Variants in IQGAP2 observed in about 807,000 individuals in gnomAD.
IQGAP2 encodes the protein IQ motif containing GTPase activating protein 2, also known as ras GTPase-activating-like protein IQGAP2.
In IQGAP2, 173 loss-of-function variants were observed where a neutral mutation model predicts 201.3. That is an observed-to-expected ratio of 0.86 (90% CI 0.76 to 0.98). The LOEUF (loss-of-function observed/expected upper bound fraction) is 0.98, where lower values mean the gene tolerates loss of function less well. Ranked by LOEUF, IQGAP2 falls within the 50% of genes least tolerant of loss-of-function variation. The pLI, the probability that IQGAP2 is intolerant of heterozygous loss-of-function variation, is 0.00. For synonymous variants in IQGAP2, 675 were observed against 673.9 expected (o/e 1.00, Z -0.03); for missense variants, 1,687 against 1,864.8 (o/e 0.90, Z 1.76).
intron 21 of IQGAP2, among the ~76,000 whole-genome samples, chr5:76,664,379 T>A (rs1016990325): frequency 2.6e-5 from 4 of 152,150 alleles, no homozygotes; most frequent in Non-Finnish European, 4.4e-5. Context: ...ACAATTACAA[T>A]AGTAACATCG....
At chr5:76,412,019 A>AT (rs956365791) in intron 1 of IQGAP2, among the ~76,000 whole-genome samples, 5 of 151,700 alleles carry the variant, frequency 3.3e-5, no homozygotes, top group Non-Finnish European at 5.9e-5. Context: ...CTCCTTCTCC[A>AT]TTTTTTTTCT....
intron 2 of IQGAP2, among the ~76,000 whole-genome samples, chr5:76,463,346 T>G (rs913269165): frequency 6.6e-6 from 1 of 152,226 alleles, no homozygotes; most frequent in South Asian, 2.1e-4. Context: ...TGGTCCCAGC[T>G]CCACCACTTA....
At chr5:76,440,815 T>C (rs143293414) in intron 1 of IQGAP2, among the ~76,000 whole-genome samples, 2,306 of 152,206 alleles carry the variant, frequency 0.015, 73 homozygotes, top group African/African-American at 0.053. Flanking sequence ...GGACGGATCA[T>C]GAAGTCAGGA....
intron 2 of IQGAP2, among the ~76,000 whole-genome samples, chr5:76,532,750 G>A (rs1487341971): frequency 6.6e-6 from 1 of 152,122 alleles, no homozygotes; most frequent in Non-Finnish European, 1.5e-5. Flanking sequence ...CTTGTCGGAG[G>A]ACCACTCCGT....
chr5:76,658,751 C>A, intron 21 of IQGAP2, 84 bp downstream of exon 21: 2 of 1,175,750 alleles, frequency 1.7e-6, no homozygotes, highest in African/African-American at 1.5e-5. Context: ...GACAGGGATA[C>A]ATTCTCAGAA....
intron 28 of IQGAP2, among the ~76,000 whole-genome samples, chr5:76,679,721 T>C (rs534569216): frequency 4.9e-4 from 74 of 152,358 alleles, no homozygotes; most frequent in African/African-American, 1.7e-3. Context: ...TCTTGTCTCT[T>C]AATTTTCCCT....
At chr5:76,428,437 CTTTTTTTTT>C (rs1003388325) in intron 1 of IQGAP2, among the ~76,000 whole-genome samples, 6 of 135,700 alleles carry the variant, frequency 4.4e-5, no homozygotes, top group African/African-American at 1.6e-4. Flanking sequence ...ATCCTTTTTT[CTTTTTTTTT>C]TTTTTTTTGA....
Position 76,600,950 on chromosome 5 carries a change from C to A in IQGAP2, c.1210C>A (p.Leu404Met). 6.2e-7 allele frequency: 1 copy of A among 1,614,008 alleles called. No homozygotes were observed. The highest frequency in any genetic ancestry group is 8.5e-7 in the Non-Finnish European group (1 of 1,179,894). ...AAGCCCCGCAATAGGCTTAAACAAT[C>A]TGGACAAGGCATATGTGGAACGGTA... is the stretch of plus-strand genomic sequence containing the variant. ...LRSPAIGLNN[L>M]DKAYVERYAN... is the part of the protein sequence containing the mutation. Residue 404 changes from leucine (L) to methionine (M), a missense_variant, in exon 11 of 36, where the codon CTG becomes ATG. Physicochemically the swap from Leu to Met is conservative, Grantham distance 15. Coordinates refer to ENST00000274364, the MANE Select transcript of IQGAP2 (RefSeq NM_006633.5).
intron 24 of IQGAP2, 26 bp downstream of exon 24, chr5:76,672,009 C>T: frequency 1.3e-6 from 2 of 1,514,814 alleles, no homozygotes; most frequent in Non-Finnish European, 1.8e-6. Context: ...AGGTGTTGGT[C>T]TTCTGTTATG....
At chr5:76,623,811 G>C (rs1749952710) in intron 13 of IQGAP2, among the ~76,000 whole-genome samples, 1 of 152,082 alleles carries the variant, frequency 6.6e-6, no homozygotes, top group African/African-American at 2.4e-5. Flanking sequence ...ATTGAGCGGT[G>C]AATCACTTTG....
At chr5:76,539,945 C>T (rs1412665807) in intron 2 of IQGAP2, among the ~76,000 whole-genome samples, 15 of 152,158 alleles carry the variant, frequency 9.9e-5, no homozygotes, top group Non-Finnish European at 1.5e-5. Context: ...GAGGGCAGGA[C>T]CACACTAATA....
intron 30 of IQGAP2, among the ~76,000 whole-genome samples, chr5:76,687,282 A>G (rs529038295): frequency 2.0e-5 from 3 of 152,332 alleles, no homozygotes; most frequent in African/African-American, 7.2e-5. Context: ...TGTAGGTAAC[A>G]ATTTGAAATC....
chr5:76,462,911 A>G (rs1207168810), intron 2 of IQGAP2, among the ~76,000 whole-genome samples: 1 of 152,156 alleles, frequency 6.6e-6, no homozygotes. Context: ...GCGATTCACT[A>G]TCAGTCTAAG....
intron 2 of IQGAP2, among the ~76,000 whole-genome samples, chr5:76,483,321 G>A (rs1755902890): frequency 6.6e-6 from 1 of 152,192 alleles, no homozygotes; most frequent in Admixed American, 6.5e-5. Flanking sequence ...AGCACCGGGA[G>A]AGTAGGAGAC....
chr5:76,540,188 A>G (rs985752523), intron 2 of IQGAP2, among the ~76,000 whole-genome samples: 3 of 152,074 alleles, frequency 2.0e-5, no homozygotes, highest in Non-Finnish European at 4.4e-5. Context: ...CTTCATATTC[A>G]CCTAAGAAAT....
At chr5:76,613,860 A>G (rs898839342) in intron 13 of IQGAP2, among the ~76,000 whole-genome samples, 1 of 152,082 alleles carries the variant, frequency 6.6e-6, no homozygotes, top group Non-Finnish European at 1.5e-5. Context: ...AAGCCCGGCT[A>G]ATTTTTGTAT....
chr5:76,496,759 T>TTC (rs879423626), intron 2 of IQGAP2, among the ~76,000 whole-genome samples: 2 of 92,930 alleles, frequency 2.2e-5, no homozygotes, highest in African/African-American at 1.1e-4. Context: ...CTTTCTTTCT[T>TTC]TCTTTCTTTC....
chr5:76,658,798 C>A, intron 21 of IQGAP2, 131 bp downstream of exon 21: 3 of 795,472 alleles, frequency 3.8e-6, no homozygotes, highest in East Asian at 2.6e-5. Flanking sequence ...ATGCAAACAT[C>A]ATAGAGCACT....
chr5:76,699,963 CTA>C (rs199629787), intron 33 of IQGAP2, among the ~76,000 whole-genome samples: 2 of 116,196 alleles, frequency 1.7e-5, no homozygotes, highest in African/African-American at 6.5e-5. Flanking sequence ...CTCTCTCTCT[CTA>C]TATATATATA....
Sources: gnomAD v4.1 joint callset for allele counts (sites outside exome capture counted in the v4.1 genomes callset) on GRCh38, gnomAD v4.1.1 for gene constraint, MANE v1.5 for transcripts, NCBI Gene and HGNC (gene_info 2026-07-23, HGNC 2026-07-21) for gene names.